Variants in PIAS2 observed in about 807,000 individuals in gnomAD.
The protein encoded by PIAS2 is E3 SUMO-protein ligase PIAS2.
In PIAS2, 19 loss-of-function variants were observed where a neutral mutation model predicts 69.7. The observed-to-expected ratio is 0.27, with a 90% CI of 0.19 to 0.40. The LOEUF (loss-of-function observed/expected upper bound fraction) is 0.40. Ranked by LOEUF, PIAS2 falls within the 10% of genes least tolerant of loss-of-function variation. The probability of loss-of-function intolerance (pLI) is 1.00; values close to 1 mark genes in which losing one functional copy is unlikely to be tolerated. For synonymous variants in PIAS2, 261 were observed against 263.2 expected (o/e 0.99, Z 0.08); for missense variants, 624 against 757.0 (o/e 0.82, Z 2.06).
intron 1 of PIAS2, among the ~76,000 whole-genome samples, chr18:46,909,817 C>T (rs527708616): frequency 6.6e-6 from 1 of 152,246 alleles, no homozygotes; most frequent in East Asian, 1.9e-4. Context: ...TTCTGCAAGA[C>T]AAGTTTGGTG....
chr18:46,828,233 T>C, intron 10 of PIAS2, 103 bp from the exon 11 acceptor site: 1 of 1,012,186 alleles, frequency 9.9e-7, no homozygotes, highest in East Asian at 2.6e-5. Flanking sequence ...CCTGACAACA[T>C]ATAGCCAGTG....
intron 1 of PIAS2, chr18:46,915,542 A>T (rs2057726771): frequency 6.6e-6 from 1 of 152,198 alleles, no homozygotes; most frequent in Non-Finnish European, 1.5e-5. Context: ...GCAAGAAGTA[A>T]AGACAGCTGA....
intron 1 of PIAS2, 26 bp downstream of exon 1, chr18:46,917,296 G>A: frequency 1.4e-6 from 2 of 1,461,208 alleles, no homozygotes; most frequent in Non-Finnish European, 1.8e-6. Context: ...CCTCCCCCGC[G>A]GCCTCCGCTC....
At chr18:46,828,633 G>A (rs1487501035) in intron 10 of PIAS2, among the ~76,000 whole-genome samples, 1 of 152,032 alleles carries the variant, frequency 6.6e-6, no homozygotes, top group Non-Finnish European at 1.5e-5. Flanking sequence ...TTCACCATAA[G>A]CCAGAACTTG....
At chr18:46,859,237 G>A (rs1346426759) in intron 3 of PIAS2, among the ~76,000 whole-genome samples, 4 of 151,988 alleles carry the variant, frequency 2.6e-5, no homozygotes, top group Admixed American at 1.3e-4. Flanking sequence ...GACCATCCTG[G>A]CTAACATGGT....
At chr18:46,858,588 T>C (rs1250407457) in intron 3 of PIAS2, among the ~76,000 whole-genome samples, 2 of 152,086 alleles carry the variant, frequency 1.3e-5, no homozygotes, top group Non-Finnish European at 2.9e-5. Flanking sequence ...TCCCAGCTAG[T>C]CAGAAGGCTA....
chr18:46,887,169 G>C (rs576533088), intron 2 of PIAS2, among the ~76,000 whole-genome samples: 1 of 151,392 alleles, frequency 6.6e-6, no homozygotes, highest in East Asian at 1.9e-4. Flanking sequence ...TTATTTCAAA[G>C]TGAACGTAAT....
chr18:46,839,299 A>G (rs1438734787), intron 8 of PIAS2, among the ~76,000 whole-genome samples: 1 of 152,220 alleles, frequency 6.6e-6, no homozygotes, highest in African/African-American at 2.4e-5. Flanking sequence ...AAAAACAGCA[A>G]GCCATAGGAC....
At chr18:46,871,565 T>C (rs907424207) in intron 2 of PIAS2, among the ~76,000 whole-genome samples, 1 of 152,198 alleles carries the variant, frequency 6.6e-6, no homozygotes. Flanking sequence ...GGCTCTATTC[T>C]TTTTATCTTG....
intron 12 of PIAS2, chr18:46,815,681 G>C: frequency 9.9e-7 from 1 of 1,010,398 alleles, no homozygotes; most frequent in Non-Finnish European, 1.2e-6. Flanking sequence ...TAATGATCTG[G>C]ATTTGAACCA....
chr18:46,821,622 G>T (rs976421597), intron 11 of PIAS2, among the ~76,000 whole-genome samples: 1 of 151,936 alleles, frequency 6.6e-6, no homozygotes, highest in Non-Finnish European at 1.5e-5. Flanking sequence ...ATGGCAATAG[G>T]CCACAATCAG....
chr18:46,858,030 G>A (rs372551667), intron 3 of PIAS2, among the ~76,000 whole-genome samples: 4 of 152,172 alleles, frequency 2.6e-5, no homozygotes, highest in East Asian at 3.9e-4. Context: ...AGCAAATCTG[G>A]AAAGGCATCA....
At chr18:46,872,022 A>T (rs1362508130) in intron 2 of PIAS2, among the ~76,000 whole-genome samples, 3 of 152,246 alleles carry the variant, frequency 2.0e-5, no homozygotes, top group Non-Finnish European at 4.4e-5. Flanking sequence ...CCCCAGGGGA[A>T]ATAGTAAGAA....
intron 2 of PIAS2, among the ~76,000 whole-genome samples, chr18:46,865,889 C>T (rs1258535125): frequency 6.6e-6 from 1 of 152,194 alleles, no homozygotes; most frequent in Non-Finnish European, 1.5e-5. Context: ...TCCATTTCTC[C>T]AGTTCCTATT....
intron 12 of PIAS2, 105 bp from the exon 13 acceptor site, chr18:46,815,454 C>CTTA (rs1420057961): frequency 6.4e-7 from 1 of 1,569,602 alleles, no homozygotes; most frequent in Non-Finnish European, 8.7e-7. Context: ...GTGGTAAGTG[C>CTTA]TTACCACTCT....
chr18:46,844,550 AACT>A (rs1254000939), intron 7 of PIAS2, among the ~76,000 whole-genome samples, 181 bp downstream of exon 7: 12 of 152,278 alleles, frequency 7.9e-5, no homozygotes, highest in African/African-American at 2.9e-4. Flanking sequence ...GATAATTAAA[AACT>A]ACTATGTGGT....
chr18:46,822,862 G>C (rs577759503), intron 11 of PIAS2, among the ~76,000 whole-genome samples: 9 of 152,168 alleles, frequency 5.9e-5, no homozygotes, highest in Admixed American at 5.9e-4. Flanking sequence ...ATATCTTATT[G>C]TTTTAAAAAT....
At chr18:46,841,111 G>A (rs2045318079) in intron 8 of PIAS2, among the ~76,000 whole-genome samples, 2 of 151,916 alleles carry the variant, frequency 1.3e-5, no homozygotes, top group Admixed American at 1.3e-4. Context: ...TCACCAAAGT[G>A]AAACTCCTAT....
intron 6 of PIAS2, among the ~76,000 whole-genome samples, chr18:46,846,157 A>G (rs565103379): frequency 6.6e-6 from 1 of 152,304 alleles, no homozygotes; most frequent in Non-Finnish European, 1.5e-5. Context: ...CAAAATTGAC[A>G]TAATTTATTA....
Sources: allele counts gnomAD v4.1 joint callset (sites outside exome capture counted in the v4.1 genomes callset), GRCh38; gene constraint gnomAD v4.1.1; transcripts MANE v1.5; gene names NCBI Gene and HGNC (gene_info 2026-07-23, HGNC 2026-07-21).